The following MYO3A variants were observed in gnomAD, a reference collection of about 807,000 sequenced individuals.
MYO3A encodes myosin-IIIa.
Under a neutral mutation model 192.7 loss-of-function variants are expected in MYO3A, and 180 were observed. The ratio of observed to expected loss-of-function variants is 0.93; its 90% CI spans 0.83 to 1.06. MYO3A has a LOEUF of 1.06. Among genes scored for constraint, MYO3A ranks in the 50% least tolerant of loss-of-function variants. MYO3A has a pLI of 0.00. For missense variants in MYO3A, 1,896 were observed against 1,905.0 expected (o/e 1.00, Z 0.09); for synonymous variants, 628 against 645.3 (o/e 0.97, Z 0.41).
intron 4 of MYO3A, among the ~76,000 whole-genome samples, chr10:25,980,475 T>C (rs1184844747): frequency 6.6e-6 from 1 of 152,198 alleles, no homozygotes; most frequent in Non-Finnish European, 1.5e-5. Flanking sequence ...ATGATTCTTC[T>C]AAATTCCACT....
intron 31 of MYO3A, among the ~76,000 whole-genome samples, chr10:26,178,545 T>G (rs1301757183): frequency 1.4e-5 from 2 of 145,644 alleles, no homozygotes; most frequent in Non-Finnish European, 3.0e-5. Context: ...AGAGCGAGAC[T>G]CTGTCTCAAA....
At chr10:26,072,766 G>T (rs1022391103) in intron 14 of MYO3A, among the ~76,000 whole-genome samples, 2 of 151,842 alleles carry the variant, frequency 1.3e-5, no homozygotes, top group Non-Finnish European at 2.9e-5. Context: ...ATATATTTCT[G>T]GTGAGAATGC....
chr10:26,112,353 C>G (rs1356143794), intron 17 of MYO3A, among the ~76,000 whole-genome samples: 4 of 152,094 alleles, frequency 2.6e-5, no homozygotes, highest in Non-Finnish European at 2.9e-5. Flanking sequence ...AGAAACTGTC[C>G]CAGTTTGGAT....
At chr10:26,081,147 C>CCCCCCCCCCCG (rs1564529205) in intron 14 of MYO3A, among the ~76,000 whole-genome samples, 1 of 83,270 alleles carries the variant, frequency 1.2e-5, no homozygotes, top group Admixed American at 1.1e-4. Context: ...CCCCCCCCCG[C>CCCCCCCCCCCG]CCCCGCTACC....
At chr10:26,088,684 G>A (rs1588932830) in intron 15 of MYO3A, among the ~76,000 whole-genome samples, 1 of 152,130 alleles carries the variant, frequency 6.6e-6, no homozygotes, top group African/African-American at 2.4e-5. Flanking sequence ...AGACCATTCT[G>A]ACATAGCAGA....
intron 17 of MYO3A, among the ~76,000 whole-genome samples, chr10:26,114,138 A>G (rs1838363921): frequency 6.6e-6 from 1 of 152,080 alleles, no homozygotes; most frequent in South Asian, 2.1e-4. Flanking sequence ...CTTTCTCAAC[A>G]GGAGCATCAA....
At chr10:26,154,066 T>C (rs1028961722) in intron 24 of MYO3A, 137 bp downstream of exon 24, 6 of 689,040 alleles carry the variant, frequency 8.7e-6, no homozygotes, top group Non-Finnish European at 1.6e-5. Context: ...TTTGAACAGA[T>C]ATTTATGTTA....
At chr10:25,957,801 C>T (rs891010145) in intron 4 of MYO3A, among the ~76,000 whole-genome samples, 7 of 152,158 alleles carry the variant, frequency 4.6e-5, no homozygotes, top group Middle Eastern at 3.4e-3. Context: ...TGGTGTGAGA[C>T]GGTATCTCAT....
intron 17 of MYO3A, among the ~76,000 whole-genome samples, chr10:26,120,186 G>A (rs1018615707): frequency 5.3e-5 from 8 of 151,720 alleles, no homozygotes; most frequent in African/African-American, 1.7e-4. Flanking sequence ...AAAATCTTAC[G>A]CTTACATTTA....
At chr10:26,157,834 C>G (rs74670276) in intron 26 of MYO3A, among the ~76,000 whole-genome samples, 9,289 of 152,218 alleles carry the variant, frequency 0.061, 370 homozygotes, top group Non-Finnish European at 0.088. Flanking sequence ...TGATTCTCAG[C>G]TGGGAGAGAT....
intron 17 of MYO3A, among the ~76,000 whole-genome samples, chr10:26,098,672 CT>C (rs1837225580): frequency 6.6e-6 from 1 of 152,182 alleles, no homozygotes; most frequent in Non-Finnish European, 1.5e-5. Context: ...ACAGAGAATC[CT>C]TTCCCAGTTT....
intron 4 of MYO3A, among the ~76,000 whole-genome samples, chr10:25,959,739 C>G (rs552760610): frequency 2.0e-5 from 3 of 151,976 alleles, no homozygotes; most frequent in Non-Finnish European, 4.4e-5. Flanking sequence ...GCTGATGTCA[C>G]CAAATCTTGA....
At chr10:26,050,104 C>T (rs1843901872) in intron 10 of MYO3A, among the ~76,000 whole-genome samples, 1 of 151,878 alleles carries the variant, frequency 6.6e-6, no homozygotes, top group Non-Finnish European at 1.5e-5. Flanking sequence ...CCATAATGAA[C>T]ATGCATTACT....
Position 26,096,496 on chromosome 10 carries a change from A to G in MYO3A, c.1661+17A>G, listed in dbSNP as rs1471207950. The G allele has an allele frequency of 6.2e-7, 1 of 1,605,134 alleles. No homozygotes were observed. Among genetic ancestry groups the G allele is most frequent in the Non-Finnish European group, 8.5e-7 (1 of 1,171,980 alleles). On this transcript the variant is annotated intron_variant, in intron 16 of 34. Transcript: ENST00000642920. ...GCCTCCCAGGTAATCTACCAGGTTG[A>G]GCTTTCATCAATAATACTTTCACTT...
At chr10:26,038,197 T>A (rs560597987) in intron 10 of MYO3A, among the ~76,000 whole-genome samples, 13 of 147,180 alleles carry the variant, frequency 8.8e-5, no homozygotes, top group Non-Finnish European at 2.0e-4. Flanking sequence ...TCTTTTGTGG[T>A]TCCATATAAA....
At chr10:26,000,771 T>C (rs1051246255) in intron 6 of MYO3A, among the ~76,000 whole-genome samples, 19 of 152,100 alleles carry the variant, frequency 1.2e-4, no homozygotes, top group African/African-American at 4.3e-4. Context: ...GAAGGAGCTC[T>C]TACCTTCTGT....
At chr10:25,998,383 A>G (rs186397947) in intron 6 of MYO3A, among the ~76,000 whole-genome samples, 1 of 152,334 alleles carries the variant, frequency 6.6e-6, no homozygotes, top group East Asian at 1.9e-4. Flanking sequence ...TGTATCCTCA[A>G]ACATGCATGT....
intron 4 of MYO3A, among the ~76,000 whole-genome samples, chr10:25,981,800 C>T (rs2130799193): frequency 6.6e-6 from 1 of 152,308 alleles, no homozygotes; most frequent in Admixed American, 6.5e-5. Flanking sequence ...CTTGCAGCTC[C>T]TACTCAAGAC....
intron 22 of MYO3A, among the ~76,000 whole-genome samples, chr10:26,145,901 G>A (rs779373412): frequency 2.7e-4 from 41 of 152,192 alleles, no homozygotes; most frequent in Non-Finnish European, 8.8e-5. Flanking sequence ...AGAATCCTTC[G>A]GTGAGATTAG....
Sources: allele counts gnomAD v4.1 joint callset (sites outside exome capture counted in the v4.1 genomes callset), GRCh38; gene constraint gnomAD v4.1.1; transcripts MANE v1.5; gene names NCBI Gene and HGNC (gene_info 2026-07-23, HGNC 2026-07-21).